Variants in TGM3 observed in about 807,000 individuals in gnomAD.
The protein encoded by TGM3 is protein-glutamine gamma-glutamyltransferase E.
In TGM3, 52 loss-of-function variants were observed where a neutral mutation model predicts 73.8. The ratio of observed to expected loss-of-function variants is 0.70; its 90% confidence interval spans 0.56 to 0.89. The LOEUF is 0.89. TGM3 is among the 40% of genes least tolerant of loss of function. The pLI is 0.00. For synonymous variants in TGM3, 372 were observed against 354.9 expected, an observed-to-expected ratio of 1.05 and a Z score of -0.54; for missense variants, 928 against 909.9, an observed-to-expected ratio of 1.02 and a Z score of -0.26.
intron 7 of TGM3, among the ~76,000 whole-genome samples, chr20:2,317,728 ATCC>A (rs1568627225): frequency 6.6e-6 from 1 of 151,976 alleles, no homozygotes; most frequent in African/African-American, 2.4e-5. Context: ...AAAGGATCTG[ATCC>A]CAGTGAAAGA....
intron 11 of TGM3, among the ~76,000 whole-genome samples, chr20:2,338,040 G>A (rs1600711041): frequency 6.6e-6 from 1 of 151,720 alleles, no homozygotes; most frequent in Admixed American, 6.6e-5. Context: ...TGTCTCTATT[G>A]AACGGATCAA....
chr20:2,325,822 C>T (rs757614003), intron 7 of TGM3, 27 bp from the exon 8 acceptor site: 26 of 1,497,874 alleles, frequency 1.7e-5, no homozygotes, highest in South Asian at 9.6e-5. Context: ...CTTGGGCAAG[C>T]GCTGCAGTCT....
Position 2,311,160 on chromosome 20 carries a change from T to C in TGM3, c.540+31T>C, listed in dbSNP as rs578165123. The C allele has an allele frequency of 7.0e-5, 110 of 1,572,090 alleles. 1 individual carries two copies. The highest frequency in any genetic ancestry group is 8.4e-5 in the Non-Finnish European group (96 of 1,141,904). ...AGGGTCATAAGGAAGCTAAGGGTAA[T>C]GTCCCTGTTACCCAAGAAGCTCAGC... On this transcript the variant is annotated intron_variant, in intron 4 of 12. Transcript: ENST00000381458.
In TGM3 at chr20:2,328,430, T is replaced by C; in HGVS notation, c.1333+65T>C. 2 of 1,594,956 alleles carry C rather than the reference T, an allele frequency of 1.3e-6. No individual in the cohort carries two copies. Among genetic ancestry groups the C allele is most frequent in the Non-Finnish European group, 1.7e-6 (2 of 1,169,658 alleles). On this transcript the variant is annotated intron_variant, in intron 9 of 12. Coordinates refer to ENST00000381458, the MANE Select transcript of TGM3 (RefSeq NM_003245.4). This position sits in a 1 kb window ranked among gnomAD's most constrained non-coding sequence, Gnocchi z 5.2. ...TATTGTGGGAGGATGGCTCTGAGGC[T>C]GGAGAGGAGAAAAGTCCTCACCTCC...
chr20:2,313,250 C>G (rs2084216458), intron 5 of TGM3, among the ~76,000 whole-genome samples: 1 of 152,212 alleles, frequency 6.6e-6, no homozygotes. Flanking sequence ...CAGAGCCAGA[C>G]CCAGGTCCAG....
intron 11 of TGM3, 45 bp from the exon 12 acceptor site, chr20:2,339,809 G>T: frequency 6.2e-7 from 1 of 1,612,180 alleles, no homozygotes; most frequent in Non-Finnish European, 8.5e-7. Context: ...GCAGGCAGGG[G>T]CTGAGCAGCT....
intron 7 of TGM3, among the ~76,000 whole-genome samples, chr20:2,323,729 C>T (rs998652386): frequency 6.6e-6 from 1 of 152,230 alleles, no homozygotes; most frequent in Admixed American, 6.5e-5. Flanking sequence ...CGAGTATCAC[C>T]GTATGCTTTA....
At chr20:2,313,151 A>G in intron 5 of TGM3, 125 bp downstream of exon 5, 2 of 1,356,172 alleles carry the variant, frequency 1.5e-6, no homozygotes, top group East Asian at 2.5e-5. Context: ...GCTGGTGGTT[A>G]GAACCATCCA....
At chr20:2,340,274 G>A (rs1004819471) in intron 12 of TGM3, among the ~76,000 whole-genome samples, 160 bp from the exon 13 acceptor site, 5 of 152,162 alleles carry the variant, frequency 3.3e-5, no homozygotes, top group African/African-American at 1.2e-4. Context: ...GAGTTCCAGG[G>A]CTGGAGGGGC....
intron 5 of TGM3, among the ~76,000 whole-genome samples, chr20:2,314,001 A>G (rs980859987): frequency 7.7e-5 from 7 of 91,312 alleles, no homozygotes; most frequent in Admixed American, 3.0e-4. Context: ...CCCTGTCTCT[A>G]CAACAACAAC....
At chr20:2,311,189 TTGCCCCACAGATCAATGGGAA>T in intron 4 of TGM3, 60 bp downstream of exon 4, 3 of 1,393,558 alleles carry the variant, frequency 2.2e-6, no homozygotes, top group Non-Finnish European at 1.0e-6. Flanking sequence ...GCTCAGCAGC[TTGCCCCACAGATCAATGGGAA>T]GTCCCACATC....
rs1221575203 is a variant in TGM3, at chr20:2,309,708, A to T, written c.59A>T (p.His20Leu). The stretch of plus-strand genomic sequence containing the variant: ...CAGACGGCCTTCAACCGACAAGCGC[A>T]TCACACAGACAAGTTCTCCAGCCAG... ...NWQTAFNRQA[H>L]HTDKFSSQEL... The change falls in exon 2 of 13, where the codon CAT (histidine) becomes CTT (leucine). Residue 20 changes from histidine to leucine, a missense_variant. By Grantham distance (99) the His-to-Leu change is moderately conservative. Coordinates refer to ENST00000381458, the MANE Select transcript of TGM3 (RefSeq NM_003245.4). The T allele has an allele frequency of 6.2e-7, 1 of 1,614,106 alleles. No individual in the cohort carries two copies. Among genetic ancestry groups the T allele is most frequent in the African/African-American group, 1.3e-5 (1 of 74,942 alleles).
At position 2,328,080 on chromosome 20, in the gene TGM3, G is replaced by A. The variant is rs780433300; in HGVS notation, c.1088-40G>A. 2.5e-5 allele frequency: 41 copies of A among 1,612,926 alleles called. No homozygotes were observed. In the Middle Eastern group the frequency reaches 6.6e-4, roughly 26 times the overall value. On this transcript the variant is annotated intron_variant, in intron 8 of 12. Transcript: ENST00000381458. The surrounding 1 kb of genome is among the most constrained non-coding windows in gnomAD (Gnocchi z 5.2). ...GGGAATCGGGCACTGGGTAGGTTGT[G>A]GCCTTGGCATATATCCAGCCTCTGC... is the stretch of plus-strand genomic sequence containing the variant.
intron 7 of TGM3, among the ~76,000 whole-genome samples, chr20:2,322,666 A>C (rs574289385): frequency 6.6e-6 from 1 of 152,334 alleles, no homozygotes; most frequent in African/African-American, 2.4e-5. Flanking sequence ...CAAGTCACTT[A>C]ACTTCCCTGA....
chr20:2,302,843 C>T lies in TGM3; in HGVS notation c.7+6773C>T, dbSNP rs2084156799. Among the ~76,000 whole-genome samples, 3 of 151,938 alleles carry T rather than the reference C, an allele frequency of 2.0e-5. No individual in the cohort carries two copies. The South Asian group carries it at 6.2e-4, about 32-fold the overall frequency. On this transcript the variant is annotated intron_variant, in intron 1 of 12. Coordinates refer to ENST00000381458, the MANE Select transcript of TGM3 (RefSeq NM_003245.4). Reference sequence around the variant, plus strand: ...GTCCATCAGCTGATGAATGCATCGACAAAACATGGAATATTCATATAATAG... The same window carrying T: ...GTCCATCAGCTGATGAATGCATCGATAAAACATGGAATATTCATATAATAG...
In TGM3 at chr20:2,331,344, A is replaced by G. The variant is rs113449303; in HGVS notation, c.1334-658A>G. ...TACTTACGCCATCACACTCAGCAGC[A>G]CCCATAGCCTGAGTCAGAGTCAGAA... is the stretch of plus-strand genomic sequence containing the variant. On this transcript the variant is annotated intron_variant, in intron 9 of 12. Transcript: ENST00000381458. Among the ~76,000 whole-genome samples the G allele has an allele frequency of 8.7e-3, 1,318 of 152,184 alleles. 18 individuals carry two copies. The highest frequency in any genetic ancestry group is 0.03 in the African/African-American group (1,259 of 41,526).
rs112428867 is a variant in TGM3, at chr20:2,331,872, A to G, written c.1334-130A>G. On this transcript the variant is annotated intron_variant, in intron 9 of 12. Coordinates refer to ENST00000381458, the MANE Select transcript of TGM3 (RefSeq NM_003245.4). ...AGACAGGCGAGCTGGAGACCTGTGAAAGTCGAATGCCTGCTAGGGCAGCAA... is the reference window on the plus strand; with the variant it reads ...AGACAGGCGAGCTGGAGACCTGTGAGAGTCGAATGCCTGCTAGGGCAGCAA... The G allele has an allele frequency of 2.0e-3, 2,162 of 1,087,040 alleles. 31 individuals are homozygous for G. The African/African-American group carries it at 0.03, about 15-fold the overall frequency. The allele number at this position is 1,087,040 out of a possible 1,614,324, so 67.3% of individuals were successfully genotyped here.
chr20:2,330,942 G>A (rs1228823607), intron 9 of TGM3, among the ~76,000 whole-genome samples: 1 of 136,236 alleles, frequency 7.3e-6, no homozygotes, highest in Admixed American at 8.3e-5. Flanking sequence ...GGAGGTGGAT[G>A]TTGCAGTGAG....
At chr20:2,311,246 G>C (rs1014812988) in intron 4 of TGM3, 117 bp downstream of exon 4, 24 of 806,544 alleles carry the variant, frequency 3.0e-5, no homozygotes, top group Non-Finnish European at 4.8e-5. Flanking sequence ...CCTTCTATTT[G>C]TTCATGTATT....
Sources: gnomAD v4.1 joint callset for allele counts (sites outside exome capture counted in the v4.1 genomes callset) on GRCh38, gnomAD v4.1.1 for gene constraint, Gnocchi (gnomAD v3.1) non-coding constraint, MANE v1.5 for transcripts, NCBI Gene and HGNC (gene_info 2026-07-23, HGNC 2026-07-21) for gene names.